The following DNAJC15 variants were observed in gnomAD, a reference collection of about 807,000 sequenced individuals.
The protein encoded by DNAJC15 is DnaJ heat shock protein family (Hsp40) member C15.
DNAJC15 carries 27 observed loss-of-function variants against 22.4 expected under a neutral mutation model. The observed-to-expected ratio is 1.20, with a 90% CI of 0.89 to 1.66. The LOEUF (loss-of-function observed/expected upper bound fraction) is 1.66. DNAJC15 is among the 40% of genes most tolerant of loss of function. The pLI is 0.00. For synonymous variants in DNAJC15, 79 were observed against 63.2 expected (o/e 1.25, Z -1.19); for missense variants, 208 against 187.1 (o/e 1.11, Z -0.65).
At chr13:43,041,110 G>A (rs1000626235) in intron 1 of DNAJC15, among the ~76,000 whole-genome samples, 3 of 152,150 alleles carry the variant, frequency 2.0e-5, no homozygotes, top group Admixed American at 2.0e-4. Context: ...CTGGGGGACG[G>A]TCAGGTCTTT....
rs1223571821 is a variant in DNAJC15, at chr13:43,109,695, A to G, written c.*2447A>G. The G allele has an allele frequency of 1.3e-5, 2 of 151,150 alleles. No individual in the cohort carries two copies. Among genetic ancestry groups the G allele is most frequent in the African/African-American group, 2.4e-5 (1 of 41,360 alleles). The allele number at this position is 151,150 out of a possible 1,614,324, so 9.4% of individuals were successfully genotyped here. A position where few individuals can be genotyped will look rare whatever the true frequency, so the allele number is the denominator to read the frequency against. Reference sequence around the variant, plus strand: ...TATAAAATAGAGAAAATAATCCTACACACCGGGGCCTGTTGTGGGGCGGGG... The same window carrying G: ...TATAAAATAGAGAAAATAATCCTACGCACCGGGGCCTGTTGTGGGGCGGGG... On this transcript the variant is annotated 3_prime_UTR_variant, in exon 6 of 6. Transcript: ENST00000379221.
At chr13:43,087,846 A>T (rs190864181) in intron 5 of DNAJC15, among the ~76,000 whole-genome samples, 2 of 152,290 alleles carry the variant, frequency 1.3e-5, no homozygotes, top group Admixed American at 1.3e-4. Context: ...AAATTTTTGT[A>T]ATTAGTTTTA....
At position 43,107,168 on chromosome 13, in the gene DNAJC15, G is replaced by T. The variant is rs1482448414; in HGVS notation, c.383-10G>T. The T allele has an allele frequency of 1.3e-6, 2 of 1,547,834 alleles. No homozygotes were observed. Among genetic ancestry groups the T allele is most frequent in the South Asian group, 1.3e-5 (1 of 79,872 alleles). On this transcript the variant is annotated splice_polypyrimidine_tract_variant and intron_variant, in intron 5 of 5. Coordinates refer to ENST00000379221, the MANE Select transcript of DNAJC15 (RefSeq NM_013238.3). ...AATGTATTTTAATTCATTTTTCTTT[G>T]TTCTCTCAGGTGGATCTCCTTACGT...
intron 1 of DNAJC15, among the ~76,000 whole-genome samples, chr13:43,026,356 CAT>C (rs1476606391): frequency 3.3e-5 from 5 of 152,316 alleles, no homozygotes; most frequent in Non-Finnish European, 5.9e-5. Flanking sequence ...AGGCTTGTCT[CAT>C]ATATTTTAGG....
intron 1 of DNAJC15, 100 bp downstream of exon 1, chr13:43,023,834 A>AT (rs2040364836): frequency 8.9e-7 from 1 of 1,129,432 alleles, no homozygotes; most frequent in East Asian, 2.6e-5. Flanking sequence ...ACTCCCCCGC[A>AT]TTCGCTCACG....
Position 43,107,204 on chromosome 13 carries a change from A to C in DNAJC15, c.409A>C (p.Ile137Leu). Residue 137 changes from isoleucine (I) to leucine (L), a missense_variant, in exon 6 of 6, where the codon ATA becomes CTA. Physicochemically the swap from Ile to Leu is conservative, Grantham distance 5. Coordinates refer to ENST00000379221, the MANE Select transcript of DNAJC15 (RefSeq NM_013238.3). ...KGGSPYVAAK[I>L]NEAKDLLETT... ...TGGATCTCCTTACGTAGCAGCCAAA[A>C]TAAATGAAGCAAAAGACTTGCTAGA... 6.3e-7 allele frequency: 1 copy of C among 1,596,678 alleles called. No homozygotes were observed. Among genetic ancestry groups the C allele is most frequent in the African/African-American group, 1.4e-5 (1 of 73,962 alleles).
intron 3 of DNAJC15, among the ~76,000 whole-genome samples, chr13:43,077,868 T>C (rs1183655146): frequency 6.6e-6 from 1 of 152,240 alleles, no homozygotes; most frequent in Non-Finnish European, 1.5e-5. Context: ...TCACCTCCTC[T>C]GCTACCGCCT....
chr13:43,031,180 G>C (rs1300724563), intron 1 of DNAJC15, among the ~76,000 whole-genome samples: 1 of 152,156 alleles, frequency 6.6e-6, no homozygotes, highest in Admixed American at 6.5e-5. Context: ...CAGATCATTG[G>C]AATAAACCAT....
intron 1 of DNAJC15, among the ~76,000 whole-genome samples, chr13:43,063,601 T>TCA (rs1412067470): frequency 6.6e-6 from 1 of 152,220 alleles, no homozygotes; most frequent in Non-Finnish European, 1.5e-5. Context: ...CCATTTAATT[T>TCA]TGTGTGTGTG....
At chr13:43,079,354 C>A (rs1017817724) in intron 4 of DNAJC15, among the ~76,000 whole-genome samples, 1 of 151,936 alleles carries the variant, frequency 6.6e-6, no homozygotes, top group Admixed American at 6.6e-5. Flanking sequence ...ATAATAAAGT[C>A]CTGTATTGAC....
rs543882538 is a variant in DNAJC15, at chr13:43,100,057, A to G, written c.383-7121A>G. Among the ~76,000 whole-genome samples the G allele has an allele frequency of 1.6e-3, 244 of 152,142 alleles. 1 individual carries two copies. The highest frequency in any genetic ancestry group is 5.7e-3 in the African/African-American group (237 of 41,528). Reference sequence around the variant, plus strand: ...ACTGATTCAGTCTCTTGTTGCAGGAATATTCAAGTTGTCTCTTCTTGAGTC... The same window carrying G: ...ACTGATTCAGTCTCTTGTTGCAGGAGTATTCAAGTTGTCTCTTCTTGAGTC... On this transcript the variant is annotated intron_variant, in intron 5 of 5. Transcript: ENST00000379221.
chr13:43,027,420 T>C (rs139403532), intron 1 of DNAJC15, among the ~76,000 whole-genome samples: 3 of 152,224 alleles, frequency 2.0e-5, no homozygotes, highest in Admixed American at 2.0e-4. Context: ...CAACTCTTGT[T>C]ATTATTAGGA....
intron 1 of DNAJC15, among the ~76,000 whole-genome samples, chr13:43,043,407 C>G (rs1337770250): frequency 6.6e-6 from 1 of 152,216 alleles, no homozygotes; most frequent in East Asian, 1.9e-4. Context: ...CCATGCCTGA[C>G]CTCAAAAGCT....
chr13:43,032,332 G>C (rs572838907), intron 1 of DNAJC15, among the ~76,000 whole-genome samples: 79 of 152,322 alleles, frequency 5.2e-4, no homozygotes, highest in African/African-American at 1.9e-3. Context: ...CACATTATCT[G>C]TTTTCAGCTG....
intron 1 of DNAJC15, among the ~76,000 whole-genome samples, chr13:43,057,740 A>C (rs149000027): frequency 5.5e-4 from 84 of 152,260 alleles, no homozygotes; most frequent in Admixed American, 1.7e-3. Context: ...CGTCAGAGGA[A>C]AGATCTGGGG....
chr13:43,026,731 G>T (rs2040382420), intron 1 of DNAJC15, among the ~76,000 whole-genome samples: 1 of 152,128 alleles, frequency 6.6e-6, no homozygotes. Context: ...TCATTTTAAG[G>T]TTTATGAAAT....
intron 1 of DNAJC15, among the ~76,000 whole-genome samples, chr13:43,037,896 A>G (rs767000548): frequency 2.6e-5 from 4 of 152,198 alleles, no homozygotes; most frequent in Non-Finnish European, 5.9e-5. Flanking sequence ...CTAAAGTCTA[A>G]TGATCCCAAG....
chr13:43,023,839 C>CTG, intron 1 of DNAJC15, 105 bp downstream of exon 1: 1 of 1,099,308 alleles, frequency 9.1e-7, no homozygotes, highest in Non-Finnish European at 1.3e-6. Flanking sequence ...CCCGCATTCG[C>CTG]TCACGGTCTG....
At chr13:43,066,870 C>T (rs971488565) in intron 2 of DNAJC15, among the ~76,000 whole-genome samples, 6 of 152,144 alleles carry the variant, frequency 3.9e-5, no homozygotes, top group South Asian at 4.1e-4. Context: ...CCACCCACCT[C>T]GGCCTCCTAA....
Sources: allele counts gnomAD v4.1 joint callset (sites outside exome capture counted in the v4.1 genomes callset), GRCh38; gene constraint gnomAD v4.1.1; transcripts MANE v1.5; gene names NCBI Gene and HGNC (gene_info 2026-07-23, HGNC 2026-07-21).